Variants in ACTR3C observed in about 807,000 individuals in gnomAD.
The protein encoded by ACTR3C is actin related protein 3C, also known as actin-related protein 3C.
Under a neutral mutation model 26.3 loss-of-function variants are expected in ACTR3C, and 18 were observed. The observed-to-expected ratio is 0.68, with a 90% CI of 0.47 to 1.01. The LOEUF is 1.01. Ranked by LOEUF, ACTR3C falls within the 50% of genes least tolerant of loss-of-function variation. The pLI is 0.00. For missense variants in ACTR3C, 184 were observed against 250.7 expected (o/e 0.73, Z 1.80); for synonymous variants, 55 against 94.5 (o/e 0.58, Z 2.42).
chr7:150,037,310 C>T, the ACTR3C span, among the ~76,000 whole-genome samples: 2 of 45,964 alleles, frequency 4.4e-5, no homozygotes, highest in African/African-American at 1.4e-4. Context: ...ATCTTAGGAT[C>T]AACGATGCGG....
chr7:150,236,535 T>C, the ACTR3C span, among the ~76,000 whole-genome samples: 4 of 152,208 alleles, frequency 2.6e-5, no homozygotes, highest in Non-Finnish European at 5.9e-5. Flanking sequence ...AGGCACATCA[T>C]GTAAAGTAAG....
intron 1 of ACTR3C, among the ~76,000 whole-genome samples, chr7:150,318,538 CG>C: frequency 6.6e-6 from 1 of 152,220 alleles, no homozygotes; most frequent in East Asian, 1.9e-4. Flanking sequence ...CCAAGGTGGG[CG>C]GATCACGAGA....
chr7:149,933,894 A>G, the ACTR3C span, among the ~76,000 whole-genome samples: 1 of 152,194 alleles, frequency 6.6e-6, no homozygotes, highest in African/African-American at 2.4e-5. Flanking sequence ...ACTCAACACT[A>G]GCAATGATCA....
the ACTR3C span, among the ~76,000 whole-genome samples, chr7:149,885,659 G>A: frequency 3.3e-5 from 5 of 152,292 alleles, no homozygotes; most frequent in East Asian, 9.7e-4. Flanking sequence ...TCAGCATTTT[G>A]TCCTCTGACA....
chr7:150,242,450 G>A (rs571665525), downstream of ACTR3C, among the ~76,000 whole-genome samples: 1 of 150,618 alleles, frequency 6.6e-6, no homozygotes. Context: ...TCTTGATCAA[G>A]GTAGGCTACT....
chr7:150,041,613 A>C, the ACTR3C span, among the ~76,000 whole-genome samples: 1 of 117,738 alleles, frequency 8.5e-6, no homozygotes, highest in Admixed American at 9.3e-5. Context: ...GCTGGCTCTC[A>C]GTCCCTGCCT....
the ACTR3C span, among the ~76,000 whole-genome samples, chr7:150,218,910 C>T: frequency 5.8e-4 from 86 of 147,366 alleles, 1 homozygote; most frequent in African/African-American, 2.2e-3. Flanking sequence ...TATTAAAATA[C>T]ATTTCCTGTA....
At chr7:150,285,655 C>A (rs1227490789) in intron 5 of ACTR3C, among the ~76,000 whole-genome samples, 2 of 152,134 alleles carry the variant, frequency 1.3e-5, no homozygotes, top group African/African-American at 2.4e-5. Context: ...TTTCTCTGTA[C>A]AAAATAGTCA....
the ACTR3C span, among the ~76,000 whole-genome samples, chr7:150,066,068 T>C: frequency 6.6e-6 from 1 of 152,232 alleles, no homozygotes; most frequent in Non-Finnish European, 1.5e-5. Flanking sequence ...TGCTGAGTCA[T>C]GCTTGTCGAG....
the ACTR3C span, among the ~76,000 whole-genome samples, chr7:150,179,141 T>G: frequency 2.7e-5 from 4 of 145,636 alleles, no homozygotes. Flanking sequence ...GGTTTTCAGA[T>G]TTAATGTCTA....
chr7:149,966,989 G>A, the ACTR3C span, among the ~76,000 whole-genome samples: 1 of 146,264 alleles, frequency 6.8e-6, no homozygotes. Context: ...CACCTCCTGA[G>A]TAGCTGGGAT....
At chr7:149,899,022 A>G in the ACTR3C span, among the ~76,000 whole-genome samples, 8 of 152,096 alleles carry the variant, frequency 5.3e-5, no homozygotes, top group Admixed American at 5.2e-4. Flanking sequence ...CTCCTCCCCA[A>G]GTGAGTGTCA....
At chr7:150,022,171 T>G in the ACTR3C span, among the ~76,000 whole-genome samples, 4 of 151,996 alleles carry the variant, frequency 2.6e-5, no homozygotes, top group East Asian at 5.8e-4. Flanking sequence ...TGTGCAGGAG[T>G]AAGGTGGTAT....
intron 1 of ACTR3C, among the ~76,000 whole-genome samples, chr7:150,316,515 G>A (rs1585013379): frequency 7.8e-6 from 1 of 127,444 alleles, no homozygotes; most frequent in South Asian, 2.5e-4. Flanking sequence ...TTGAGGCGGA[G>A]TCTCACTGTT....
the ACTR3C span, among the ~76,000 whole-genome samples, chr7:150,180,511 C>CTTTTTTTTTTTTTTT: frequency 1.5e-4 from 19 of 125,716 alleles, no homozygotes; most frequent in African/African-American, 4.8e-4. Flanking sequence ...AGTAGTATAT[C>CTTTTTTTTTTTTTTT]TTTTTTTTTT....
the ACTR3C span, among the ~76,000 whole-genome samples, chr7:150,134,457 G>C: frequency 6.6e-6 from 1 of 152,240 alleles, no homozygotes; most frequent in Non-Finnish European, 1.5e-5. Context: ...CTTAGAAAAA[G>C]TTACTGAGTC....
the ACTR3C span, among the ~76,000 whole-genome samples, chr7:150,149,888 A>G: frequency 2.0e-5 from 3 of 152,214 alleles, no homozygotes; most frequent in African/African-American, 2.4e-5. Flanking sequence ...TCTTTAATTC[A>G]TGTGGATTTT....
chr7:150,252,699 C>A (rs1832936902), intron 6 of ACTR3C, among the ~76,000 whole-genome samples: 1 of 152,110 alleles, frequency 6.6e-6, no homozygotes, highest in African/African-American at 2.4e-5. Context: ...AAAACAATAT[C>A]CAGTATCTTC....
At chr7:150,051,565 T>C in the ACTR3C span, among the ~76,000 whole-genome samples, 10 of 90,496 alleles carry the variant, frequency 1.1e-4, 1 homozygote, top group African/African-American at 2.3e-4. Flanking sequence ...TTCCTACTTA[T>C]TGGGTGTGAG....
Sources: gnomAD v4.1 joint callset for allele counts (sites outside exome capture counted in the v4.1 genomes callset) on GRCh38, gnomAD v4.1.1 for gene constraint, MANE v1.5 for transcripts, NCBI Gene and HGNC (gene_info 2026-07-23, HGNC 2026-07-21) for gene names.